PIK3R4: variants seen among roughly 807,000 people sequenced by gnomAD.
PIK3R4 encodes phosphoinositide-3-kinase regulatory subunit 4.
In PIK3R4, 46 loss-of-function variants were observed where a neutral mutation model predicts 136.5. The observed-to-expected ratio is 0.34, with a 90% CI of 0.27 to 0.43. The LOEUF (loss-of-function observed/expected upper bound fraction) is 0.43, where lower values mean the gene tolerates loss of function less well. Ranked by LOEUF, PIK3R4 falls within the 20% of genes least tolerant of loss-of-function variation. The probability of loss-of-function intolerance (pLI) is 1.00; values close to 1 mark genes in which losing one functional copy is unlikely to be tolerated. For missense variants in PIK3R4, 1,331 were observed against 1,649.5 expected (o/e 0.81, Z 3.35); for synonymous variants, 557 against 566.7 (o/e 0.98, Z 0.24).
chr3:130,693,608 G>A (rs1170545196), intron 13 of PIK3R4, among the ~76,000 whole-genome samples: 1 of 152,044 alleles, frequency 6.6e-6, no homozygotes, highest in Non-Finnish European at 1.5e-5. Flanking sequence ...CACATCATTT[G>A]CTTTTTAATT....
In PIK3R4 at chr3:130,684,035, G is replaced by A. The variant is rs573928465; in HGVS notation, c.3607+215C>T. 1.9e-4 allele frequency among the ~76,000 whole-genome samples: 29 copies of A among 152,304 alleles called. No homozygotes were observed. In the East Asian group the frequency reaches 5.0e-3, roughly 26 times the overall value. On this transcript the variant is annotated intron_variant, in intron 16 of 19. Transcript: ENST00000356763. ...AAAAAAGGGATAGGAGATGGTGGTG[G>A]ACAGTTAAGAATGGAGTAATGATGG...
At chr3:130,736,099 A>G (rs2066784423) in intron 2 of PIK3R4, 97 bp from the exon 3 acceptor site, 1 of 868,376 alleles carries the variant, frequency 1.2e-6, no homozygotes, top group Non-Finnish European at 1.7e-6. Flanking sequence ...CCAAAATGCA[A>G]AACCCCAAAG....
At position 130,733,629 on chromosome 3, in the gene PIK3R4, T is replaced by C. The variant is rs1168115556; in HGVS notation, c.1369A>G (p.Asn457Asp). 6.2e-7 allele frequency: 1 copy of C among 1,614,128 alleles called. No homozygotes were observed. The highest frequency in any genetic ancestry group is 8.5e-7 in the Non-Finnish European group (1 of 1,179,944). The change falls in exon 4 of 20, where the codon AAT becomes GAT. Residue 457 changes from asparagine to aspartate, a missense_variant. This residue lies in a region of PIK3R4 where 1,180 missense variants were observed against 1,407.0 expected (regional missense o/e 0.84). Transcript: ENST00000356763. ...GGCAGAATGTATTCCGGATAAATAT[T>C]GATATCATTACGAGGAACCTCTTTG... ...LVKEVPRNDI[N>D]IYPEYILPGI... is the part of the protein sequence containing the mutation.
At chr3:130,690,269 C>CAT (rs2066509088) in intron 14 of PIK3R4, among the ~76,000 whole-genome samples, 2 of 152,230 alleles carry the variant, frequency 1.3e-5, no homozygotes, top group South Asian at 4.1e-4. Context: ...AGATAAGATA[C>CAT]ATAGATACCA....
chr3:130,691,611 TA>T (rs2107602358), intron 13 of PIK3R4, among the ~76,000 whole-genome samples: 1 of 152,278 alleles, frequency 6.6e-6, no homozygotes, highest in South Asian at 2.1e-4. Context: ...GCCATACCTC[TA>T]AAAGGTCAAA....
At chr3:130,690,807 T>C (rs2066513046) in intron 13 of PIK3R4, 153 bp from the exon 14 acceptor site, 2 of 552,940 alleles carry the variant, frequency 3.6e-6, no homozygotes, top group African/African-American at 1.9e-5. Flanking sequence ...TCAAAAGAAC[T>C]GTTACAAAAA....
At chr3:130,700,605 A>G (rs2066569183) in intron 13 of PIK3R4, among the ~76,000 whole-genome samples, 1 of 152,248 alleles carries the variant, frequency 6.6e-6, no homozygotes, top group African/African-American at 2.4e-5. Context: ...GGTAGTCCAA[A>G]TCACCAGTCA....
intron 9 of PIK3R4, among the ~76,000 whole-genome samples, chr3:130,709,730 G>A (rs185363421): frequency 5.3e-5 from 8 of 152,180 alleles, no homozygotes; most frequent in Non-Finnish European, 7.4e-5. Flanking sequence ...CTACAACATA[G>A]GGGGACCTTA....
chr3:130,708,263 C>T (rs2066616464), intron 10 of PIK3R4, 28 bp downstream of exon 10: 4 of 1,560,390 alleles, frequency 2.6e-6, no homozygotes, highest in African/African-American at 2.7e-5. Flanking sequence ...CAACAACAAG[C>T]TACACACACA....
Position 130,690,481 on chromosome 3 carries a change from A to T in PIK3R4, c.3263+9T>A, listed in dbSNP as rs199700522. 3 of 1,601,820 alleles carry T rather than the reference A, an allele frequency of 1.9e-6. No homozygotes were observed. Among genetic ancestry groups the T allele is most frequent in the Non-Finnish European group, 2.6e-6 (3 of 1,173,092 alleles). ...ATACAATGTTTAAGAAAGACAAAAGATAAGATACCTGCTTTGTAGAGGATG... is the reference window on the plus strand; with the variant it reads ...ATACAATGTTTAAGAAAGACAAAAGTTAAGATACCTGCTTTGTAGAGGATG... On this transcript the variant is annotated intron_variant, in intron 14 of 19. Transcript: ENST00000356763.
At chr3:130,695,570 C>T (rs567929882) in intron 13 of PIK3R4, among the ~76,000 whole-genome samples, 45 of 152,204 alleles carry the variant, frequency 3.0e-4, no homozygotes, top group South Asian at 6.2e-4. Flanking sequence ...GTTGATCAGT[C>T]AGTCACTTAG....
intron 3 of PIK3R4, among the ~76,000 whole-genome samples, chr3:130,734,561 G>A (rs10934956): frequency 0.02 from 3,059 of 152,210 alleles, 98 homozygotes; most frequent in East Asian, 0.11. Context: ...TACATATCCC[G>A]GGTTGAGTTA....
Position 130,679,255 on chromosome 3 carries a change from C to G in PIK3R4, c.*60G>C. 9.3e-7 allele frequency: 1 copy of G among 1,073,906 alleles called. No homozygotes were observed. The highest frequency in any genetic ancestry group is 1.3e-6 in the Non-Finnish European group (1 of 785,758). The allele number at this position is 1,073,906 out of a possible 1,614,324, so 66.5% of individuals were successfully genotyped here. On this transcript the variant is annotated 3_prime_UTR_variant, in exon 20 of 20. Coordinates refer to ENST00000356763, the MANE Select transcript of PIK3R4 (RefSeq NM_014602.3). ...AAATGAATCTGTTCTCTAGAAATGC[C>G]TTTTCTCGAGTTATAGTATTATATT...
At chr3:130,682,563 GTCAT>G (rs2066465616) in intron 16 of PIK3R4, among the ~76,000 whole-genome samples, 1 of 152,142 alleles carries the variant, frequency 6.6e-6, no homozygotes, top group Admixed American at 6.5e-5. Context: ...AGAAAGTCAA[GTCAT>G]TCATATCAGG....
chr3:130,686,529 T>C (rs902703051), intron 14 of PIK3R4, 107 bp from the exon 15 acceptor site: 7 of 679,318 alleles, frequency 1.0e-5, no homozygotes, highest in South Asian at 9.8e-5. Flanking sequence ...ACCAGAGCTA[T>C]GTGACTCTAT....
intron 13 of PIK3R4, among the ~76,000 whole-genome samples, chr3:130,694,446 TTC>T (rs1310421696): frequency 1.3e-5 from 2 of 152,108 alleles, no homozygotes; most frequent in African/African-American, 4.8e-5. Context: ...CTTCTTTAAT[TTC>T]TTTCAATGAT....
At chr3:130,725,478 TA>T (rs2066726182) in intron 6 of PIK3R4, among the ~76,000 whole-genome samples, 2 of 151,116 alleles carry the variant, frequency 1.3e-5, no homozygotes. Context: ...AAAGATCAAT[TA>T]AACAGTTAAG....
At chr3:130,693,119 A>G (rs1313294328) in intron 13 of PIK3R4, among the ~76,000 whole-genome samples, 1 of 152,174 alleles carries the variant, frequency 6.6e-6, no homozygotes, top group East Asian at 1.9e-4. Flanking sequence ...ACTTTCACTT[A>G]GCATACTGTT....
intron 19 of PIK3R4, among the ~76,000 whole-genome samples, 172 bp from the exon 20 acceptor site, chr3:130,679,657 T>C (rs2066443055): frequency 6.6e-6 from 1 of 152,228 alleles, no homozygotes; most frequent in African/African-American, 2.4e-5. Flanking sequence ...CAAAATGACA[T>C]TCTAGGGTCC....
Sources: gnomAD v4.1 joint callset for allele counts (sites outside exome capture counted in the v4.1 genomes callset) on GRCh38, gnomAD v4.1.1 for gene constraint, gnomAD v4.1.1 regional missense constraint, MANE v1.5 for transcripts, NCBI Gene and HGNC (gene_info 2026-07-23, HGNC 2026-07-21) for gene names.